Variants in HERPUD2 observed in about 807,000 individuals in gnomAD.
HERPUD2 encodes the protein HERPUD family member 2, also known as homocysteine-responsive endoplasmic reticulum-resident ubiquitin-like domain member 2 protein.
Under a neutral mutation model 49.9 loss-of-function variants are expected in HERPUD2, and 13 were observed. The ratio of observed to expected loss-of-function variants is 0.26; its 90% CI spans 0.17 to 0.41. The LOEUF (loss-of-function observed/expected upper bound fraction) is 0.41, where lower values mean the gene tolerates loss of function less well. Among genes scored for constraint, HERPUD2 ranks in the 10% least tolerant of loss-of-function variants. The probability of loss-of-function intolerance (pLI) is 1.00; values close to 1 mark genes in which losing one functional copy is unlikely to be tolerated. For missense variants in HERPUD2, 449 were observed against 492.2 expected (o/e 0.91, Z 0.83); for synonymous variants, 172 against 171.4 (o/e 1.00, Z -0.03).
At chr7:35,652,059 A>G (rs1288519420) in intron 5 of HERPUD2, among the ~76,000 whole-genome samples, 1 of 152,222 alleles carries the variant, frequency 6.6e-6, no homozygotes, top group African/African-American at 2.4e-5. Context: ...CCTAGTATCT[A>G]AAGTCAGCAT....
intron 2 of HERPUD2, among the ~76,000 whole-genome samples, chr7:35,678,496 T>G (rs1202160872): frequency 6.6e-6 from 1 of 152,158 alleles, no homozygotes; most frequent in Non-Finnish European, 1.5e-5. Flanking sequence ...AGATGGGATT[T>G]CACCATGTTG....
intron 5 of HERPUD2, among the ~76,000 whole-genome samples, chr7:35,654,524 C>T (rs1433675945): frequency 6.7e-6 from 1 of 149,548 alleles, no homozygotes; most frequent in African/African-American, 2.5e-5. Flanking sequence ...ACACAGCCTG[C>T]CAAGATTGAA....
intron 2 of HERPUD2, among the ~76,000 whole-genome samples, chr7:35,691,964 C>G (rs917809246): frequency 6.6e-6 from 1 of 152,192 alleles, no homozygotes; most frequent in Middle Eastern, 3.2e-3. Flanking sequence ...ACACATACCC[C>G]CACCGCTCCA....
intron 2 of HERPUD2, among the ~76,000 whole-genome samples, chr7:35,677,610 G>A (rs1161685892): frequency 6.6e-6 from 1 of 152,326 alleles, no homozygotes; most frequent in South Asian, 2.1e-4. Context: ...CTTAAAGGAA[G>A]AAATAGGACA....
At chr7:35,669,787 A>T (rs1341879462) in intron 4 of HERPUD2, among the ~76,000 whole-genome samples, 2 of 152,200 alleles carry the variant, frequency 1.3e-5, no homozygotes, top group African/African-American at 4.8e-5. Context: ...TGACCAAGTC[A>T]TCTACTTCAA....
intron 6 of HERPUD2, among the ~76,000 whole-genome samples, chr7:35,638,045 C>T (rs1583535990): frequency 6.6e-6 from 1 of 152,204 alleles, no homozygotes; most frequent in Non-Finnish European, 1.5e-5. Flanking sequence ...TATTCCTTTA[C>T]TCATTTGACT....
chr7:35,686,141 A>G (rs748566428), intron 2 of HERPUD2, among the ~76,000 whole-genome samples: 8 of 151,978 alleles, frequency 5.3e-5, no homozygotes, highest in Non-Finnish European at 1.2e-4. Context: ...GTAAAAAGTA[A>G]TATAATGTTA....
At chr7:35,655,668 C>T (rs1438070273) in intron 5 of HERPUD2, among the ~76,000 whole-genome samples, 1 of 152,118 alleles carries the variant, frequency 6.6e-6, no homozygotes, top group Non-Finnish European at 1.5e-5. Flanking sequence ...TTTTTCAACA[C>T]AGTACTGGGA....
chr7:35,694,459 A>G lies in HERPUD2; in HGVS notation c.-129T>C. On this transcript the variant is annotated 5_prime_UTR_variant, in exon 2 of 9. Transcript: ENST00000311350. ...TTAGTATTCCGTGTCCAAGTCAGTT[A>G]CAAGTGCACTGGAGGATACGAAGCC... 1 of 923,714 alleles carries G rather than the reference A, an allele frequency of 1.1e-6. No individual in the cohort carries two copies. Among genetic ancestry groups the G allele is most frequent in the South Asian group, 1.5e-5 (1 of 66,420 alleles). The allele number at this position is 923,714 out of a possible 1,614,324, so 57.2% of individuals were successfully genotyped here.
At chr7:35,650,252 AG>A (rs1785135315) in intron 5 of HERPUD2, among the ~76,000 whole-genome samples, 1 of 152,116 alleles carries the variant, frequency 6.6e-6, no homozygotes, top group African/African-American at 2.4e-5. Flanking sequence ...AAAGAAGGAG[AG>A]GGAAGCAAGG....
At chr7:35,685,944 G>A (rs1188536722) in intron 2 of HERPUD2, among the ~76,000 whole-genome samples, 1 of 150,770 alleles carries the variant, frequency 6.6e-6, no homozygotes, top group Non-Finnish European at 1.5e-5. Context: ...CTGGACAACA[G>A]AGCGAGACCC....
intron 2 of HERPUD2, among the ~76,000 whole-genome samples, chr7:35,677,610 G>C (rs1161685892): frequency 1.3e-5 from 2 of 152,208 alleles, no homozygotes; most frequent in Non-Finnish European, 2.9e-5. Context: ...CTTAAAGGAA[G>C]AAATAGGACA....
chr7:35,634,685 A>G (rs1370716892), intron 7 of HERPUD2, among the ~76,000 whole-genome samples: 1 of 152,148 alleles, frequency 6.6e-6, no homozygotes, highest in African/African-American at 2.4e-5. Flanking sequence ...GGAATCATAA[A>G]TCTTTTCTGG....
At chr7:35,660,700 A>G (rs552444578) in intron 5 of HERPUD2, among the ~76,000 whole-genome samples, 1 of 152,192 alleles carries the variant, frequency 6.6e-6, no homozygotes, top group Non-Finnish European at 1.5e-5. Context: ...CTGTTCATAT[A>G]CTTTGCCCAC....
chr7:35,666,102 A>G (rs1426397754), intron 5 of HERPUD2, among the ~76,000 whole-genome samples: 1 of 152,246 alleles, frequency 6.6e-6, no homozygotes, highest in Non-Finnish European at 1.5e-5. Context: ...AAAGAAAGGA[A>G]GTGAATTACT....
intron 5 of HERPUD2, among the ~76,000 whole-genome samples, chr7:35,655,878 G>A (rs538998995): frequency 2.6e-5 from 4 of 152,150 alleles, no homozygotes; most frequent in Admixed American, 1.3e-4. Flanking sequence ...GAAAGAAATC[G>A]AGCCGAGTGT....
intron 8 of HERPUD2, 106 bp from the exon 9 acceptor site, chr7:35,633,957 T>G: frequency 8.5e-7 from 1 of 1,180,342 alleles, no homozygotes; most frequent in Non-Finnish European, 1.2e-6. Flanking sequence ...TGAAGTGGTA[T>G]GTATGTGGTC....
chr7:35,663,421 C>T (rs751076290), intron 5 of HERPUD2, among the ~76,000 whole-genome samples: 1 of 152,090 alleles, frequency 6.6e-6, no homozygotes, highest in Non-Finnish European at 1.5e-5. Context: ...ATTAGGTCTG[C>T]TTGGTGCAGA....
intron 4 of HERPUD2, among the ~76,000 whole-genome samples, chr7:35,669,655 T>C (rs556012619): frequency 2.6e-5 from 4 of 152,134 alleles, no homozygotes; most frequent in East Asian, 3.9e-4. Context: ...TTTAGGCAGA[T>C]GGAAAAATAA....
Sources: gnomAD v4.1 joint callset for allele counts (sites outside exome capture counted in the v4.1 genomes callset) on GRCh38, gnomAD v4.1.1 for gene constraint, MANE v1.5 for transcripts, NCBI Gene and HGNC (gene_info 2026-07-23, HGNC 2026-07-21) for gene names.